WDFY4: variants seen among roughly 807,000 people sequenced by gnomAD.
WDFY4 encodes the protein WD repeat- and FYVE domain-containing protein 4.
In WDFY4, 169 loss-of-function variants were observed where a neutral mutation model predicts 351.9. The observed-to-expected ratio is 0.48, with a 90% CI of 0.42 to 0.55. WDFY4 has a LOEUF of 0.55. WDFY4 is among the 20% of genes least tolerant of loss of function. The pLI is 0.00. For synonymous variants in WDFY4, 1,622 were observed against 1,574.6 expected, an observed-to-expected ratio of 1.03 and a Z score of -0.71; for missense variants, 3,803 against 3,935.6, an observed-to-expected ratio of 0.97 and a Z score of 0.90.
At position 48,901,307 on chromosome 10, in the gene WDFY4, T is replaced by C. The variant is rs141391856; in HGVS notation, c.7524-494T>C. On this transcript the variant is annotated intron_variant, in intron 46 of 61. Transcript: ENST00000325239. ...CAGACATACAACCCATTAAACTTGA[T>C]TCATTTCCCCCTATGGTTTCTGTTC... Among the ~76,000 whole-genome samples, 303 of 152,360 alleles carry C rather than the reference T, an allele frequency of 2.0e-3. 2 individuals are homozygous for C. The highest frequency in any genetic ancestry group is 7.0e-3 in the African/African-American group (291 of 41,580).
intron 60 of WDFY4, among the ~76,000 whole-genome samples, chr10:48,980,982 A>G (rs1275752509): frequency 6.6e-6 from 1 of 152,208 alleles, no homozygotes; most frequent in East Asian, 1.9e-4. Flanking sequence ...ATTTATTTTT[A>G]CTAGGCAATT....
In WDFY4 at chr10:48,807,784, A is replaced by C. The variant is rs553968917; in HGVS notation, c.4739-75A>C. The C allele has an allele frequency of 1.6e-5, 24 of 1,488,436 alleles. No homozygotes were observed. The South Asian group carries it at 1.7e-4, about 11-fold the overall frequency. The allele number at this position is 1,488,436 out of a possible 1,614,324, so 92.2% of individuals were successfully genotyped here. On this transcript the variant is annotated intron_variant, in intron 27 of 61. Transcript: ENST00000325239. ...CCTGGGTGAAATAAGCATTTGGTGAATATGATTGCTTACTGCAGCAAATAT... is the reference window on the plus strand; with the variant it reads ...CCTGGGTGAAATAAGCATTTGGTGACTATGATTGCTTACTGCAGCAAATAT...
In WDFY4 at chr10:48,826,908, A is replaced by T; in HGVS notation, c.6220A>T (p.Ser2074Cys). The T allele has an allele frequency of 6.4e-7, 1 of 1,550,840 alleles. No individual in the cohort carries two copies. Among genetic ancestry groups the T allele is most frequent in the Non-Finnish European group, 8.7e-7 (1 of 1,146,236 alleles). ...TTGCCTTTTGCTACTCAATGAGAGA[A>T]GGTAAGAGCTGCCCACTTGTTTCCT... ...MHCLLLLNER[S>C]YPEGFGLEPK... The change falls in exon 36 of 62, where the codon AGT becomes TGT. Residue 2074 changes from serine to cysteine, a missense_variant and splice_region_variant. Coordinates refer to ENST00000325239, the MANE Select transcript of WDFY4 (RefSeq NM_001394531.1).
chr10:48,732,835 G>A (rs548198880), intron 9 of WDFY4, among the ~76,000 whole-genome samples: 59 of 152,290 alleles, frequency 3.9e-4, no homozygotes, highest in East Asian at 1.2e-3. Flanking sequence ...GAGCTCAGGC[G>A]TCTTATGGAG....
chr10:48,701,523 G>A (rs1362763465), intron 1 of WDFY4, among the ~76,000 whole-genome samples: 1 of 152,236 alleles, frequency 6.6e-6, no homozygotes, highest in Non-Finnish European at 1.5e-5. Flanking sequence ...TGCAAAAGTG[G>A]ATGAGAACTT....
At chr10:48,706,172 C>T (rs772403998) in intron 1 of WDFY4, among the ~76,000 whole-genome samples, 5 of 152,204 alleles carry the variant, frequency 3.3e-5, no homozygotes, top group African/African-American at 4.8e-5. Context: ...GCCATCAGCA[C>T]GTAGGTTAAT....
At chr10:48,915,857 T>C (rs764728905) in intron 47 of WDFY4, among the ~76,000 whole-genome samples, 2 of 152,196 alleles carry the variant, frequency 1.3e-5, no homozygotes, top group Non-Finnish European at 2.9e-5. Context: ...GACCCTAGTC[T>C]TTAAAAATAG....
At chr10:48,844,343 G>T (rs2068707646) in intron 39 of WDFY4, among the ~76,000 whole-genome samples, 1 of 152,156 alleles carries the variant, frequency 6.6e-6, no homozygotes, top group African/African-American at 2.4e-5. Flanking sequence ...TGTAATCCCA[G>T]CACTTTGGGA....
At chr10:48,817,468 G>A (rs1671335978) in intron 32 of WDFY4, 59 bp downstream of exon 32, 3 of 1,474,410 alleles carry the variant, frequency 2.0e-6, no homozygotes, top group Non-Finnish European at 1.8e-6. Context: ...CATCCTTCAA[G>A]GGCAAAGGGC....
intron 59 of WDFY4, 122 bp from the exon 60 acceptor site, chr10:48,978,186 AG>A (rs1366328823): frequency 8.9e-6 from 8 of 903,198 alleles, no homozygotes; most frequent in Non-Finnish European, 1.2e-5. Flanking sequence ...CAGAAGTGAA[AG>A]GGGGGCCATG....
At chr10:48,954,299 C>T (rs999529612) in intron 51 of WDFY4, among the ~76,000 whole-genome samples, 1 of 152,222 alleles carries the variant, frequency 6.6e-6, no homozygotes, top group African/African-American at 2.4e-5. Flanking sequence ...GCCTAAATGT[C>T]ACATGGGAAA....
chr10:48,787,948 CTTCTT>C lies in WDFY4; in HGVS notation c.3809-581_3809-577del, dbSNP rs1565199191. Among the ~76,000 whole-genome samples the C allele has an allele frequency of 1.9e-4, 20 of 107,870 alleles. 1 individual carries two copies. Among genetic ancestry groups the C allele is most frequent in the South Asian group, 6.8e-4 (2 of 2,950 alleles). The allele number at this position is 107,870 out of a possible 152,430, so 70.8% of individuals were successfully genotyped here. A position where few individuals can be genotyped will look rare whatever the true frequency, so the allele number is the denominator to read the frequency against. ...TCTTCTTCTTCTTCTTCTTCTTCTTCTTCTTCTTCTTCTTCTTCTTCTTCTTCTTC... is the reference window on the plus strand; with the variant it reads ...TCTTCTTCTTCTTCTTCTTCTTCTTCCTTCTTCTTCTTCTTCTTCTTCTTC... On this transcript the variant is annotated intron_variant, in intron 20 of 61. Coordinates refer to ENST00000325239, the MANE Select transcript of WDFY4 (RefSeq NM_001394531.1).
At chr10:48,828,693 T>C in intron 36 of WDFY4, 85 bp from the exon 37 acceptor site, 2 of 766,230 alleles carry the variant, frequency 2.6e-6, no homozygotes, top group East Asian at 3.0e-5. Flanking sequence ...TATTGGAGGA[T>C]GATTATTTGT....
chr10:48,803,225 T>C, intron 24 of WDFY4, 61 bp from the exon 25 acceptor site: 1 of 1,515,190 alleles, frequency 6.6e-7, no homozygotes, highest in Non-Finnish European at 9.0e-7. Flanking sequence ...TTCTCATGCT[T>C]CCTGCAAATC....
intron 1 of WDFY4, among the ~76,000 whole-genome samples, chr10:48,689,416 C>T (rs944515237): frequency 6.6e-6 from 1 of 152,116 alleles, no homozygotes; most frequent in South Asian, 2.1e-4. Context: ...AAATACACAC[C>T]AGATTTTAAA....
intron 43 of WDFY4, among the ~76,000 whole-genome samples, chr10:48,887,504 C>G (rs1029134390): frequency 2.0e-5 from 3 of 152,158 alleles, no homozygotes; most frequent in Non-Finnish European, 2.9e-5. Flanking sequence ...TCAGGCCAGG[C>G]GCGGTGGCTC....
intron 34 of WDFY4, among the ~76,000 whole-genome samples, chr10:48,821,997 G>T (rs2067839551): frequency 6.6e-6 from 1 of 152,172 alleles, no homozygotes; most frequent in Admixed American, 6.5e-5. Flanking sequence ...CTGCTGTGTT[G>T]GTGAGCATAG....
At chr10:48,694,261 A>G (rs767456848) in intron 1 of WDFY4, among the ~76,000 whole-genome samples, 4 of 152,176 alleles carry the variant, frequency 2.6e-5, no homozygotes, top group Non-Finnish European at 5.9e-5. Context: ...CATTCCTAAT[A>G]GAGTCCCTGG....
At position 48,823,710 on chromosome 10, in the gene WDFY4, A is replaced by G. The variant is rs918253936; in HGVS notation, c.5982+1173A>G. 4 of 993,924 alleles carry G rather than the reference A, an allele frequency of 4.0e-6. No individual in the cohort carries two copies. In the African/African-American group the frequency reaches 7.0e-5, roughly 17 times the overall value. The allele number at this position is 993,924 out of a possible 1,614,324, so 61.6% of individuals were successfully genotyped here. On this transcript the variant is annotated intron_variant, in intron 35 of 61. Transcript: ENST00000325239. ...CCCTATGGCTAAAGCATGGACTCCC[A>G]GCTAATATCCCAAACATAGGTGCCA...
Sources: gnomAD v4.1 joint callset for allele counts (sites outside exome capture counted in the v4.1 genomes callset) on GRCh38, gnomAD v4.1.1 for gene constraint, MANE v1.5 for transcripts, NCBI Gene and HGNC (gene_info 2026-07-23, HGNC 2026-07-21) for gene names.